Variants in HPS4 observed in about 807,000 individuals in gnomAD.
The protein encoded by HPS4 is BLOC-3 complex member HPS4.
In HPS4, 44 loss-of-function variants were observed where a neutral mutation model predicts 70.3. That is an observed-to-expected ratio of 0.63 (90% CI 0.49 to 0.80). The LOEUF (loss-of-function observed/expected upper bound fraction) is 0.80. Among genes scored for constraint, HPS4 ranks in the 30% least tolerant of loss-of-function variants. HPS4 has a pLI of 0.00. For synonymous variants in HPS4, 377 were observed against 355.9 expected, an observed-to-expected ratio of 1.06 and a Z score of -0.67; for missense variants, 873 against 884.4, an observed-to-expected ratio of 0.99 and a Z score of 0.16.
At chr22:26,466,512 T>C in intron 8 of HPS4, 1 of 599,168 alleles carries the variant, frequency 1.7e-6, no homozygotes, top group Non-Finnish European at 3.0e-6. Context: ...CAAACTCACA[T>C]CACACTCTAC....
chr22:26,457,903 A>C lies in HPS4; in HGVS notation c.1911T>G (p.His637Gln). 2.5e-6 allele frequency: 4 copies of C among 1,614,224 alleles called. No homozygotes were observed. The highest frequency in any genetic ancestry group is 3.4e-6 in the Non-Finnish European group (4 of 1,180,028). The change falls in exon 13 of 14, where the codon CAT becomes CAG. Residue 637 changes from histidine to glutamine, a missense_variant. His to Gln is a conservative substitution (Grantham distance 24). Transcript: ENST00000398145. Reference sequence around the variant, plus strand: ...GCGCGGGCAGCTGGGCAAATTCGCTATGCATCAGGCTGACGGCCTGGAGGA... The same window carrying C: ...GCGCGGGCAGCTGGGCAAATTCGCTCTGCATCAGGCTGACGGCCTGGAGGA... ...RRFLQAVSLM[H>Q]SEFAQLPALY...
intron 7 of HPS4, among the ~76,000 whole-genome samples, chr22:26,470,334 C>T (rs946706649): frequency 7.2e-5 from 11 of 152,344 alleles, no homozygotes; most frequent in African/African-American, 2.6e-4. Context: ...GGCAAGCACA[C>T]CAGGGTCTCT....
At chr22:26,450,632 T>G (rs368104609), downstream of HPS4, among the ~76,000 whole-genome samples, 1 of 152,332 alleles carries the variant, frequency 6.6e-6, no homozygotes, top group South Asian at 2.1e-4. Flanking sequence ...GTAGTTCTCA[T>G]AGTCCCCACA....
chr22:26,466,242 A>G lies in HPS4; in HGVS notation c.690T>C (p.Asp230=). 1 of 1,614,224 alleles carries G rather than the reference A, an allele frequency of 6.2e-7. No individual in the cohort carries two copies. The highest frequency in any genetic ancestry group is 8.5e-7 in the Non-Finnish European group (1 of 1,180,034). Residue 230 remains aspartate, a synonymous_variant, in exon 9 of 14, where the codon GAT becomes GAC. Coordinates refer to ENST00000398145, the MANE Select transcript of HPS4 (RefSeq NM_022081.6). The part of the protein sequence containing the change: ...PQEQRLPTGE[D]APQEHGAALP... ...ACTACTTACCATGTTCCTGCGGGGC[A>G]TCCTCTCCCGTAGGGAGTCTCTGAA...
chr22:26,453,157 GA>G lies in HPS4; in HGVS notation c.*75del. The G allele has an allele frequency of 7.2e-7, 1 of 1,389,114 alleles. No homozygotes were observed. The highest frequency in any genetic ancestry group is 1.4e-5 in the African/African-American group (1 of 69,930). The allele number at this position is 1,389,114 out of a possible 1,614,324, so 86.0% of individuals were successfully genotyped here. A position where few individuals can be genotyped will look rare whatever the true frequency, so the allele number is the denominator to read the frequency against. On this transcript the variant is annotated 3_prime_UTR_variant, in exon 14 of 14. Transcript: ENST00000398145. ...GAATGTTTTCAAGAAAAATAAAATA[GA>G]GGGGCCTTTTCAATTATAAAAGGCA...
At chr22:26,465,249 G>A (rs2088293301) in intron 10 of HPS4, among the ~76,000 whole-genome samples, 1 of 152,210 alleles carries the variant, frequency 6.6e-6, no homozygotes. Context: ...ATAAGTAAGA[G>A]AGCTGGGATA....
chr22:26,480,518 A>T (rs1018434842), intron 2 of HPS4, among the ~76,000 whole-genome samples: 2 of 152,138 alleles, frequency 1.3e-5, no homozygotes, highest in African/African-American at 2.4e-5. Context: ...ATGAGGCTAT[A>T]GCATAAACAA....
downstream of HPS4, among the ~76,000 whole-genome samples, chr22:26,449,814 T>C (rs979447958): frequency 6.6e-6 from 1 of 152,180 alleles, no homozygotes; most frequent in Admixed American, 6.5e-5. Context: ...CTGTAACAAA[T>C]GAGCATATAC....
At position 26,464,320 on chromosome 22, in the gene HPS4, T is replaced by C; in HGVS notation, c.1310A>G (p.His437Arg). Residue 437 changes from histidine (H) to arginine (R), a missense_variant, in exon 11 of 14, where the codon CAT (histidine) becomes CGT (arginine). By Grantham distance (29) the His-to-Arg change is conservative (BLOSUM62 0). Coordinates refer to ENST00000398145, the MANE Select transcript of HPS4 (RefSeq NM_022081.6). ...GTCTTCGAGCTGCTCTTGGGCTCCA[T>C]GCTGGGTCAGCATCTCAGGAGCAGA... Reference protein sequence around the residue: ...PPSAPEMLTQHGAQEQLEDHP... With the variant: ...PPSAPEMLTQRGAQEQLEDHP... The C allele has an allele frequency of 1.2e-6, 2 of 1,614,116 alleles. No homozygotes were observed. Among genetic ancestry groups the C allele is most frequent in the East Asian group, 2.2e-5 (1 of 44,870 alleles).
chr22:26,478,192 G>C (rs757001742), intron 3 of HPS4, among the ~76,000 whole-genome samples: 11 of 151,982 alleles, frequency 7.2e-5, no homozygotes, highest in Non-Finnish European at 1.6e-4. Flanking sequence ...GATGTTGCTT[G>C]ATACTGGTGA....
At chr22:26,483,223 C>G (rs940508491) in intron 1 of HPS4, among the ~76,000 whole-genome samples, 1 of 152,200 alleles carries the variant, frequency 6.6e-6, no homozygotes, top group African/African-American at 2.4e-5. Flanking sequence ...GGACAGCAGC[C>G]TAAAACTCCC....
At position 26,464,661 on chromosome 22, in the gene HPS4, C is replaced by T. The variant is rs773460422; in HGVS notation, c.969G>A (p.Lys323=). The change falls in exon 11 of 14, where the codon AAG becomes AAA. Residue 323 remains lysine, a synonymous_variant. Transcript: ENST00000398145. ...CATGGCCAGACAAGCATCCGTTCTC[C>T]TTCCTGCCATCTGGACAAGCTTCGT... ...SPDEACPDGR[K]ENGCLSGHDL... is the part of the protein sequence containing the mutation. The T allele has an allele frequency of 6.2e-7, 1 of 1,612,244 alleles. No homozygotes were observed. The highest frequency in any genetic ancestry group is 8.5e-7 in the Non-Finnish European group (1 of 1,178,360).
At chr22:26,479,020 T>C (rs917425107) in intron 3 of HPS4, among the ~76,000 whole-genome samples, 1 of 151,980 alleles carries the variant, frequency 6.6e-6, no homozygotes, top group African/African-American at 2.4e-5. Context: ...GATCAAAAAA[T>C]TGGGGGTAGA....
chr22:26,450,948 CACT>C lies in HPS4; in HGVS notation c.*2282_*2284del, dbSNP rs2085139346. Among the ~76,000 whole-genome samples the C allele has an allele frequency of 6.6e-6, 1 of 152,190 alleles. No homozygotes were observed. Among genetic ancestry groups the C allele is most frequent in the African/African-American group, 2.4e-5 (1 of 41,438 alleles). Reference sequence around the variant, plus strand: ...GAACCGTGAGAACGGACTAACACACCACTATTAATCACTCATGCGACCTTTATC... The same window carrying C: ...GAACCGTGAGAACGGACTAACACACCATTAATCACTCATGCGACCTTTATC... On this transcript the variant is annotated 3_prime_UTR_variant, in exon 14 of 14. Coordinates refer to ENST00000398145, the MANE Select transcript of HPS4 (RefSeq NM_022081.6).
intron 7 of HPS4, among the ~76,000 whole-genome samples, chr22:26,469,787 G>T (rs942265857): frequency 5.9e-5 from 9 of 152,070 alleles, no homozygotes; most frequent in Non-Finnish European, 1.2e-4. Flanking sequence ...GTATGTCACT[G>T]ACGAACTTGG....
chr22:26,470,090 G>A (rs1008981904), intron 7 of HPS4, among the ~76,000 whole-genome samples: 6 of 152,260 alleles, frequency 3.9e-5, no homozygotes, highest in African/African-American at 7.2e-5. Context: ...AGGAAGCTCC[G>A]GGCACAGCGC....
chr22:26,460,398 C>G (rs373553053), intron 11 of HPS4, among the ~76,000 whole-genome samples: 1 of 152,256 alleles, frequency 6.6e-6, no homozygotes, highest in Admixed American at 6.5e-5. Flanking sequence ...TGTGCCGACA[C>G]GCACACGGGC....
intron 1 of HPS4, chr22:26,482,641 A>G (rs1425424728): frequency 6.6e-6 from 1 of 152,230 alleles, no homozygotes; most frequent in African/African-American, 2.4e-5. Context: ...ATGGCTTTCA[A>G]ACTTCCACAA....
rs1160276748 is a variant in HPS4 at position 26,451,816 on chromosome 22, G to A, written c.*1417C>T. On this transcript the variant is annotated 3_prime_UTR_variant, in exon 14 of 14. Transcript: ENST00000398145. ...GGCAGATGGGATCCAAGAGACAGCA[G>A]AGATCCTGGAGAGAGGTGATAGAAG... 3 of 153,530 alleles carry A rather than the reference G, an allele frequency of 2.0e-5. No homozygotes were observed. Among genetic ancestry groups the A allele is most frequent in the Non-Finnish European group, 4.3e-5 (3 of 69,004 alleles). The allele number at this position is 153,530 out of a possible 1,614,324, so 9.5% of individuals were successfully genotyped here.
Sources: gnomAD v4.1 joint callset for allele counts (sites outside exome capture counted in the v4.1 genomes callset) on GRCh38, gnomAD v4.1.1 for gene constraint, MANE v1.5 for transcripts, NCBI Gene and HGNC (gene_info 2026-07-23, HGNC 2026-07-21) for gene names.